Variants in HPS4 observed in about 807,000 individuals in gnomAD.
The protein encoded by HPS4 is BLOC-3 complex member HPS4.
A neutral mutation model predicts 70.3 loss-of-function variants in HPS4; 44 were observed. That is an observed-to-expected ratio of 0.63 (90% CI 0.49 to 0.80). The LOEUF is 0.80. Among genes scored for constraint, HPS4 ranks in the 30% least tolerant of loss-of-function variants. HPS4 has a pLI of 0.00. For missense variants in HPS4, 873 were observed against 884.4 expected, an observed-to-expected ratio of 0.99 and a Z score of 0.16; for synonymous variants, 377 against 355.9, an observed-to-expected ratio of 1.06 and a Z score of -0.67.
chr22:26,470,033 C>T (rs893791672), intron 7 of HPS4, among the ~76,000 whole-genome samples: 1 of 152,258 alleles, frequency 6.6e-6, no homozygotes, highest in Non-Finnish European at 1.5e-5. Context: ...AGGGCCCCTG[C>T]GAGAGCCTCA....
rs73160870 is a variant in HPS4, at chr22:26,458,087, C to T, written c.1847-120G>A. ...GGCTCAAGGCCATGAGTTGGCTGCCCGGGGCAGAGACAAAGGCCCGGGGCA... is the reference window on the plus strand; with the variant it reads ...GGCTCAAGGCCATGAGTTGGCTGCCTGGGGCAGAGACAAAGGCCCGGGGCA... On this transcript the variant is annotated intron_variant, in intron 12 of 13. Coordinates refer to ENST00000398145, the MANE Select transcript of HPS4 (RefSeq NM_022081.6). 3,814 of 891,788 alleles carry T rather than the reference C, an allele frequency of 4.3e-3. 41 individuals carry two copies. Among genetic ancestry groups the T allele is most frequent in the South Asian group, 0.021 (1,472 of 70,910 alleles). 55.2% of individuals were successfully genotyped at this position (891,788 alleles called of 1,614,324 possible). A position where few individuals can be genotyped will look rare whatever the true frequency, so the allele number is the denominator to read the frequency against.
In HPS4 at chr22:26,476,992, C is replaced by T. The variant is rs1379364037; in HGVS notation, c.276+1G>A. The T allele has an allele frequency of 1.2e-6, 2 of 1,614,050 alleles. No individual in the cohort carries two copies. Among genetic ancestry groups the T allele is most frequent in the South Asian group, 2.2e-5 (2 of 91,084 alleles). On this transcript the variant is annotated splice_donor_variant, in intron 4 of 13. Transcript: ENST00000398145. LOFTEE classifies it high-confidence loss of function. The stretch of plus-strand genomic sequence containing the variant: ...AGCACTGATTCTGCCATTCAACTTA[C>T]CCAAAGGTAATCTCCATCAACTTTT...
chr22:26,468,589 C>T lies in HPS4; in HGVS notation c.631G>A (p.Ala211Thr), dbSNP rs1277894851. 2 of 1,610,692 alleles carry T rather than the reference C, an allele frequency of 1.2e-6. No homozygotes were observed. The highest frequency in any genetic ancestry group is 2.2e-5 in the East Asian group (1 of 44,786). ...VSTQLPPSLT[A>T]KVLLHRTAPQ... ...GCTGTTCGGTGAAGCAGGACCTTGG[C>T]GGTGAGGGAGGGCGGGAGTTGGGTG... Residue 211 changes from alanine (A) to threonine (T), a missense_variant, in exon 8 of 14, where the codon GCC becomes ACC. Transcript: ENST00000398145.
chr22:26,464,301 G>C lies in HPS4; in HGVS notation c.1329C>G (p.Leu443=), dbSNP rs762613783. 3.7e-6 allele frequency: 6 copies of C among 1,613,942 alleles called. No individual in the cohort carries two copies. The highest frequency in any genetic ancestry group is 1.6e-4 in the Middle Eastern group (1 of 6,084). ...MLTQHGAQEQ[L]EDHPGHSSQA... ...GGCTGCTATGGCCAGGATGGTCTTC[G>C]AGCTGCTCTTGGGCTCCATGCTGGG... The change falls in exon 11 of 14, where the codon CTC becomes CTG. Residue 443 remains leucine (L), a synonymous_variant. Transcript: ENST00000398145.
At chr22:26,445,868 C>G (rs979093557) in intron 3 of HPS4, among the ~76,000 whole-genome samples, 3 of 152,190 alleles carry the variant, frequency 2.0e-5, no homozygotes, top group Non-Finnish European at 4.4e-5. Flanking sequence ...CCCTCAGTAG[C>G]TGTGTTTTTC....
At chr22:26,461,898 G>A (rs1458454561) in intron 11 of HPS4, among the ~76,000 whole-genome samples, 1 of 152,056 alleles carries the variant, frequency 6.6e-6, no homozygotes, top group South Asian at 2.1e-4. Context: ...AGGCCGAGGC[G>A]GGCAGATTAC....
chr22:26,445,992 G>A (rs3213581), downstream of HPS4, among the ~76,000 whole-genome samples: 52 of 152,262 alleles, frequency 3.4e-4, no homozygotes, highest in East Asian at 9.3e-3. Context: ...CCAGCTGTCC[G>A]GGCTGGGCTG....
chr22:26,443,342 A>G (rs977811427), downstream of HPS4: 7 of 696,998 alleles, frequency 1.0e-5, no homozygotes, highest in East Asian at 2.7e-5. Flanking sequence ...TTGGGATTTT[A>G]TATCATGTCG....
Position 26,472,945 on chromosome 22 carries a change from A to G in HPS4, c.277-6T>C. 6.2e-7 allele frequency: 1 copy of G among 1,613,508 alleles called. No individual in the cohort carries two copies. The highest frequency in any genetic ancestry group is 8.5e-7 in the Non-Finnish European group (1 of 1,179,406). ...TCCACAGCACAGCCCAGCACCTGTA[A>G]AGAGAGAAACCAGGAAGACAAGCAT... On this transcript the variant is annotated splice_polypyrimidine_tract_variant and splice_region_variant and intron_variant, in intron 4 of 13. Coordinates refer to ENST00000398145, the MANE Select transcript of HPS4 (RefSeq NM_022081.6).
At chr22:26,458,078 T>C (rs1177068979) in intron 12 of HPS4, 111 bp from the exon 13 acceptor site, 4 of 960,936 alleles carry the variant, frequency 4.2e-6, no homozygotes, top group East Asian at 5.2e-5. Context: ...AGGCCATGAG[T>C]TGGCTGCCCG....
At chr22:26,463,692 C>A (rs1250239820) in intron 11 of HPS4, among the ~76,000 whole-genome samples, 1 of 152,194 alleles carries the variant, frequency 6.6e-6, no homozygotes, top group Non-Finnish European at 1.5e-5. Context: ...TTGTTGGATG[C>A]CAATGCACCA....
rs567467720 is a variant in HPS4 at position 26,453,242 on chromosome 22, G to A, written c.2118C>T (p.Asn706=). ...ACCTCCTGGGTGCAGTTCAGAGCAA[G>A]TTCACCCCGTGCTTCAGCAGCTTCT... ...AKQKLLKHGV[N]LL Residue 706 remains asparagine, a synonymous_variant, in exon 14 of 14, where the codon AAC becomes AAT. Coordinates refer to ENST00000398145, the MANE Select transcript of HPS4 (RefSeq NM_022081.6). 1.2e-6 allele frequency: 2 copies of A among 1,614,202 alleles called. No individual in the cohort carries two copies. The highest frequency in any genetic ancestry group is 1.1e-5 in the South Asian group (1 of 91,078).
rs1314957593 is a variant in HPS4 at position 26,452,872 on chromosome 22, T to C, written c.*361A>G. The C allele has an allele frequency of 3.2e-6, 1 of 316,182 alleles. No homozygotes were observed. The highest frequency in any genetic ancestry group is 8.4e-5 in the East Asian group (1 of 11,896). 19.6% of individuals were successfully genotyped at this position (316,182 alleles called of 1,614,324 possible). ...ACTCTGGGCTAGTGGACGATCAGGTTCTAGAAAAAATGCCAACTTGGAAGC... is the reference window on the plus strand; with the variant it reads ...ACTCTGGGCTAGTGGACGATCAGGTCCTAGAAAAAATGCCAACTTGGAAGC... On this transcript the variant is annotated 3_prime_UTR_variant, in exon 14 of 14. Coordinates refer to ENST00000398145, the MANE Select transcript of HPS4 (RefSeq NM_022081.6).
chr22:26,465,982 C>G (rs768035315), intron 9 of HPS4: 13 of 1,307,420 alleles, frequency 9.9e-6, no homozygotes, highest in South Asian at 1.3e-5. Flanking sequence ...ACCGAGCAGT[C>G]TCACAATATG....
In HPS4 at chr22:26,453,135, T is replaced by C; in HGVS notation, c.*98A>G. 1 of 1,245,842 alleles carries C rather than the reference T, an allele frequency of 8.0e-7. No individual in the cohort carries two copies. The highest frequency in any genetic ancestry group is 1.3e-5 in the South Asian group (1 of 78,534). 77.2% of individuals were successfully genotyped at this position (1,245,842 alleles called of 1,614,324 possible). ...ATCATTTGGTTCCTAAAAAAGGGAA[T>C]GTTTTCAAGAAAAATAAAATAGAGG... On this transcript the variant is annotated 3_prime_UTR_variant, in exon 14 of 14. Coordinates refer to ENST00000398145, the MANE Select transcript of HPS4 (RefSeq NM_022081.6).
At chr22:26,448,389 G>A (rs939984996), downstream of HPS4, among the ~76,000 whole-genome samples, 6 of 152,262 alleles carry the variant, frequency 3.9e-5, no homozygotes, top group African/African-American at 1.4e-4. Context: ...GAACCCAGCT[G>A]TCTGACACCA....
chr22:26,455,295 C>T (rs1036120413), intron 13 of HPS4, among the ~76,000 whole-genome samples: 7 of 151,876 alleles, frequency 4.6e-5, no homozygotes, highest in South Asian at 2.1e-4. Flanking sequence ...ATGTTTATAG[C>T]GGCACTATTC....
At position 26,451,167 on chromosome 22, in the gene HPS4, G is replaced by A. The variant is rs531060820; in HGVS notation, c.*2066C>T. On this transcript the variant is annotated 3_prime_UTR_variant, in exon 14 of 14. Coordinates refer to ENST00000398145, the MANE Select transcript of HPS4 (RefSeq NM_022081.6). The stretch of plus-strand genomic sequence containing the variant: ...GGGAAACATGGCCATAAGAGGTTGT[G>A]GTGCCCATTCCAGCAAGAACATGCT... Among the ~76,000 whole-genome samples, 201 of 152,312 alleles carry A rather than the reference G, an allele frequency of 1.3e-3. No individual in the cohort carries two copies. Among genetic ancestry groups the A allele is most frequent in the African/African-American group, 4.7e-3 (195 of 41,578 alleles).
chr22:26,443,803 G>A (rs2084880427), downstream of HPS4: 1 of 152,276 alleles, frequency 6.6e-6, no homozygotes, highest in African/African-American at 2.4e-5. Context: ...GGCACACAGT[G>A]TCCAGGCCCA....
Sources: allele counts gnomAD v4.1 joint callset (sites outside exome capture counted in the v4.1 genomes callset), GRCh38; gene constraint gnomAD v4.1.1; transcripts MANE v1.5; gene names NCBI Gene and HGNC (gene_info 2026-07-23, HGNC 2026-07-21).